NXPE4: variants seen among roughly 807,000 people sequenced by gnomAD.
The protein encoded by NXPE4 is NXPE family member 4.
NXPE4 carries 42 observed loss-of-function variants against 33.3 expected under a neutral mutation model. That is an observed-to-expected ratio of 1.26 (90% CI 0.98 to 1.63). NXPE4 has a LOEUF of 1.63. Among genes scored for constraint, NXPE4 ranks in the 40% most tolerant of loss-of-function variants. NXPE4 has a pLI of 0.00. For synonymous variants in NXPE4, 253 were observed against 234.9 expected (o/e 1.08, Z -0.71); for missense variants, 709 against 647.6 (o/e 1.09, Z -1.03).
At chr11:114,614,811 G>A in the NXPE4 span, among the ~76,000 whole-genome samples, 5 of 151,892 alleles carry the variant, frequency 3.3e-5, no homozygotes, top group Admixed American at 6.6e-5. Context: ...GTGTTGCCTC[G>A]TGGGTAACCA....
At chr11:114,629,440 T>C in the NXPE4 span, among the ~76,000 whole-genome samples, 6 of 151,016 alleles carry the variant, frequency 4.0e-5, no homozygotes, top group East Asian at 5.8e-4. Context: ...TCTCAATAGA[T>C]GCAGAAAAGG....
chr11:114,573,153 T>A (rs1005503934), intron 5 of NXPE4, among the ~76,000 whole-genome samples: 4 of 152,028 alleles, frequency 2.6e-5, no homozygotes, highest in African/African-American at 7.2e-5. Flanking sequence ...TCGAGACAAA[T>A]GCTGACAGAA....
chr11:114,601,882 A>T, the NXPE4 span, among the ~76,000 whole-genome samples: 2 of 1,278 alleles, frequency 1.6e-3, no homozygotes, highest in East Asian at 0.059. Flanking sequence ...TATTATATAT[A>T]ATTATATATT....
At chr11:114,619,481 C>T in the NXPE4 span, among the ~76,000 whole-genome samples, 2 of 148,678 alleles carry the variant, frequency 1.3e-5, no homozygotes, top group Non-Finnish European at 2.9e-5. Flanking sequence ...CACTGTTACC[C>T]AGTGGAGGAT....
the NXPE4 span, among the ~76,000 whole-genome samples, chr11:114,636,781 G>T: frequency 6.6e-6 from 1 of 152,082 alleles, no homozygotes; most frequent in Non-Finnish European, 1.5e-5. Flanking sequence ...TTTTGAGTGA[G>T]TTTCTTAATC....
the NXPE4 span, among the ~76,000 whole-genome samples, chr11:114,656,603 T>G: frequency 2.0e-5 from 3 of 152,050 alleles, no homozygotes; most frequent in South Asian, 6.2e-4. Context: ...TATAATATAC[T>G]TAATACAGTA....
the NXPE4 span, among the ~76,000 whole-genome samples, chr11:114,642,438 G>A: frequency 1.9e-4 from 29 of 151,326 alleles, no homozygotes; most frequent in East Asian, 4.5e-3. Flanking sequence ...CCCAGCCCCC[G>A]ACAGGCCCAG....
At chr11:114,658,717 G>A in the NXPE4 span, among the ~76,000 whole-genome samples, 1 of 152,170 alleles carries the variant, frequency 6.6e-6, no homozygotes, top group African/African-American at 2.4e-5. Context: ...ACAGGAAACT[G>A]TCCTGGGCCC....
the NXPE4 span, among the ~76,000 whole-genome samples, chr11:114,620,180 C>G: frequency 6.6e-6 from 1 of 152,028 alleles, no homozygotes; most frequent in Admixed American, 6.6e-5. Context: ...TCATGGGTAA[C>G]CACCATTACC....
At chr11:114,653,843 T>A in the NXPE4 span, among the ~76,000 whole-genome samples, 3 of 152,094 alleles carry the variant, frequency 2.0e-5, no homozygotes, top group East Asian at 5.8e-4. Context: ...TGCTTTCTTT[T>A]CTACCTACCT....
At chr11:114,636,342 A>C in the NXPE4 span, among the ~76,000 whole-genome samples, 1 of 151,148 alleles carries the variant, frequency 6.6e-6, no homozygotes, top group Non-Finnish European at 1.5e-5. Context: ...CGTCTATTTG[A>C]TTCTTCTCTC....
At chr11:114,617,563 A>T in the NXPE4 span, among the ~76,000 whole-genome samples, 2 of 150,634 alleles carry the variant, frequency 1.3e-5, no homozygotes, top group African/African-American at 4.9e-5. Context: ...GGAAAATAAT[A>T]GTTGCCTCAC....
chr11:114,580,190 G>T lies in NXPE4; in HGVS notation c.1041C>A (p.Tyr347Ter), dbSNP rs765026612. 2.5e-6 allele frequency: 4 copies of T among 1,614,026 alleles called. No homozygotes were observed. Among genetic ancestry groups the T allele is most frequent in the Non-Finnish European group, 3.4e-6 (4 of 1,179,942 alleles). Reference sequence around the variant, plus strand: ...GGCGGATCGTGGAATCTCCCATTAGGTATATGAGTTTTCCTCTCAGGCATT... The same window carrying T: ...GGCGGATCGTGGAATCTCCCATTAGTTATATGAGTTTTCCTCTCAGGCATT... ...MKECLRGKLI[Y>*]LMGDSTIRQW... is the part of the protein sequence containing the mutation. The change falls in exon 5 of 6, where the codon TAC (tyrosine) becomes TAA (stop). Residue 347 changes from tyrosine (Y) to a stop codon, truncating the protein, a stop_gained. Coordinates refer to ENST00000375478, the MANE Select transcript of NXPE4 (RefSeq NM_001077639.2). LOFTEE classifies it high-confidence loss of function.
the NXPE4 span, among the ~76,000 whole-genome samples, chr11:114,662,445 A>G: frequency 6.6e-6 from 1 of 152,164 alleles, no homozygotes; most frequent in Non-Finnish European, 1.5e-5. Context: ...GACTCTAACT[A>G]AACTTGAAAG....
chr11:114,596,318 A>G (rs1238602224), upstream of NXPE4, among the ~76,000 whole-genome samples: 1 of 152,222 alleles, frequency 6.6e-6, no homozygotes, highest in Non-Finnish European at 1.5e-5. Flanking sequence ...TGATGAAAAC[A>G]GTGCTGGAAA....
chr11:114,629,931 A>C, the NXPE4 span, among the ~76,000 whole-genome samples: 1 of 150,496 alleles, frequency 6.6e-6, no homozygotes, highest in Non-Finnish European at 1.5e-5. Flanking sequence ...ATTGCTTCAA[A>C]GATAATAAAA....
At chr11:114,610,200 C>A in the NXPE4 span, among the ~76,000 whole-genome samples, 1 of 151,814 alleles carries the variant, frequency 6.6e-6, no homozygotes, top group East Asian at 1.9e-4. Flanking sequence ...ACGTGGGTAG[C>A]CACTGTTACC....
At chr11:114,609,181 G>C in the NXPE4 span, among the ~76,000 whole-genome samples, 1 of 151,858 alleles carries the variant, frequency 6.6e-6, no homozygotes, top group Non-Finnish European at 1.5e-5. Context: ...GATAAATATT[G>C]CCTCATGGGT....
chr11:114,648,714 T>C, the NXPE4 span, among the ~76,000 whole-genome samples: 1 of 152,188 alleles, frequency 6.6e-6, no homozygotes, highest in African/African-American at 2.4e-5. Context: ...TTCCACCTAA[T>C]ATATGATACA....
Sources: gnomAD v4.1 joint callset for allele counts (sites outside exome capture counted in the v4.1 genomes callset) on GRCh38, gnomAD v4.1.1 for gene constraint, MANE v1.5 for transcripts, NCBI Gene and HGNC (gene_info 2026-07-23, HGNC 2026-07-21) for gene names.